TRPC7: variants seen among roughly 807,000 people sequenced by gnomAD.
The protein encoded by TRPC7 is short transient receptor potential channel 7.
A neutral mutation model predicts 90.1 loss-of-function variants in TRPC7; 42 were observed. The observed-to-expected ratio is 0.47, with a 90% confidence interval of 0.36 to 0.60. The LOEUF is 0.60. Among genes scored for constraint, TRPC7 ranks in the 20% least tolerant of loss-of-function variants. TRPC7 has a pLI of 0.00. For missense variants in TRPC7, 955 were observed against 1,112.3 expected, an observed-to-expected ratio of 0.86 and a Z score of 2.01; for synonymous variants, 451 against 436.3, an observed-to-expected ratio of 1.03 and a Z score of -0.42.
chr5:136,284,774 G>T (rs973957612), intron 3 of TRPC7, among the ~76,000 whole-genome samples: 4 of 152,194 alleles, frequency 2.6e-5, no homozygotes, highest in African/African-American at 9.7e-5. Flanking sequence ...GTGCAGAGTT[G>T]TGAAGGCTAC....
At position 136,297,570 on chromosome 5, in the gene TRPC7, ATAT is replaced by A. The variant is rs534851130; in HGVS notation, c.963+18024_963+18026del. On this transcript the variant is annotated intron_variant, in intron 3 of 11. Transcript: ENST00000513104. ...TAATAAGTATACTCATTACCCAAAT[ATAT>A]TATTATAATTATACTAATCTTTTTC... Among the ~76,000 whole-genome samples the A allele has an allele frequency of 2.0e-5, 3 of 152,258 alleles. No homozygotes were observed. In the South Asian group the frequency reaches 6.2e-4, roughly 32 times the overall value.
intron 1 of TRPC7, among the ~76,000 whole-genome samples, chr5:136,361,391 C>A (rs1286822243): frequency 6.6e-6 from 1 of 152,126 alleles, no homozygotes; most frequent in Non-Finnish European, 1.5e-5. Flanking sequence ...GAGAGGAGGA[C>A]TGATTATTAA....
At chr5:136,250,461 CCTA>C (rs1374875702) in intron 6 of TRPC7, among the ~76,000 whole-genome samples, 1 of 152,184 alleles carries the variant, frequency 6.6e-6, no homozygotes, top group African/African-American at 2.4e-5. Context: ...TTAGCAATTG[CCTA>C]CTAAGTGTCC....
intron 7 of TRPC7, among the ~76,000 whole-genome samples, chr5:136,245,980 G>A (rs1204931266): frequency 6.6e-6 from 1 of 152,120 alleles, no homozygotes; most frequent in Non-Finnish European, 1.5e-5. Context: ...CGGTGCTACC[G>A]ATGGCTGGCC....
At chr5:136,234,459 G>C (rs146623973) in intron 7 of TRPC7, among the ~76,000 whole-genome samples, 1 of 152,002 alleles carries the variant, frequency 6.6e-6, no homozygotes, top group Admixed American at 6.5e-5. Context: ...ACAGGCGCGC[G>C]CCACTGTGCC....
chr5:136,288,144 C>T (rs1452601527), intron 3 of TRPC7, among the ~76,000 whole-genome samples: 4 of 151,912 alleles, frequency 2.6e-5, no homozygotes, highest in Non-Finnish European at 4.4e-5. Flanking sequence ...AGGCAGAGGG[C>T]TAAGTAACCC....
intron 2 of TRPC7, among the ~76,000 whole-genome samples, chr5:136,353,379 G>C (rs529547314): frequency 1.1e-4 from 16 of 152,322 alleles, no homozygotes; most frequent in African/African-American, 2.9e-4. Flanking sequence ...TTTAGGGGAT[G>C]TGGAGGATGA....
chr5:136,288,845 GTA>G (rs1757828403), intron 3 of TRPC7, among the ~76,000 whole-genome samples: 1 of 152,216 alleles, frequency 6.6e-6, no homozygotes, highest in East Asian at 1.9e-4. Context: ...TGACATATAT[GTA>G]TGTGTCCCCT....
intron 3 of TRPC7, among the ~76,000 whole-genome samples, chr5:136,285,499 TGAGA>T (rs913024209): frequency 5.9e-5 from 9 of 152,230 alleles, no homozygotes; most frequent in African/African-American, 2.2e-4. Context: ...TAATTATGAT[TGAGA>T]AAGTTCCTGG....
chr5:136,240,046 C>T (rs149272191), intron 7 of TRPC7, among the ~76,000 whole-genome samples: 157 of 152,312 alleles, frequency 1.0e-3, no homozygotes, highest in African/African-American at 3.6e-3. Flanking sequence ...AAGGCCTTAG[C>T]GGAGACTCTA....
rs776796232 is a variant in TRPC7, at chr5:136,251,802, A to T, written c.1426T>A (p.Phe476Ile). Reference sequence around the variant, plus strand: ...GCCACGAAGATGGACAGCATCCCGAAATCTAGCAGGTTCCACAAGTGCAGC... The same window carrying T: ...GCCACGAAGATGGACAGCATCCCGATATCTAGCAGGTTCCACAAGTGCAGC... ...YVLHLWNLLD[F>I]GMLSIFVASF... Residue 476 changes from phenylalanine (F) to isoleucine (I), a missense_variant, in exon 6 of 12, where the codon TTC becomes ATC. Transcript: ENST00000513104. The T allele has an allele frequency of 6.2e-7, 1 of 1,613,934 alleles. No homozygotes were observed. Among genetic ancestry groups the T allele is most frequent in the South Asian group, 1.1e-5 (1 of 91,076 alleles).
intron 3 of TRPC7, among the ~76,000 whole-genome samples, chr5:136,290,067 C>G (rs559600805): frequency 2.0e-5 from 3 of 152,314 alleles, no homozygotes; most frequent in South Asian, 4.1e-4. Context: ...TCCAACAGAC[C>G]TGCAGCTGAG....
At chr5:136,364,036 C>T (rs964023836) in intron 1 of TRPC7, among the ~76,000 whole-genome samples, 12 of 152,118 alleles carry the variant, frequency 7.9e-5, no homozygotes, top group African/African-American at 2.9e-4. Flanking sequence ...AAATAAACAT[C>T]TACTACTGAG....
intron 11 of TRPC7, among the ~76,000 whole-genome samples, chr5:136,215,924 A>C (rs114355802): frequency 0.018 from 2,808 of 151,978 alleles, 102 homozygotes; most frequent in African/African-American, 0.065. Context: ...AGGGTGCCTG[A>C]TGCCTGCTGC....
At chr5:136,233,209 T>A (rs751983816) in intron 7 of TRPC7, among the ~76,000 whole-genome samples, 1 of 152,256 alleles carries the variant, frequency 6.6e-6, no homozygotes, top group Admixed American at 6.5e-5. Context: ...GTTTTTAGTT[T>A]CTTTTAAAAC....
chr5:136,280,131 A>G (rs998201437), intron 3 of TRPC7, among the ~76,000 whole-genome samples: 3 of 152,144 alleles, frequency 2.0e-5, no homozygotes, highest in South Asian at 4.1e-4. Flanking sequence ...CTGCTCTCCA[A>G]CCTGGGCGAT....
At chr5:136,361,787 A>C (rs1760576217) in intron 1 of TRPC7, among the ~76,000 whole-genome samples, 1 of 152,184 alleles carries the variant, frequency 6.6e-6, no homozygotes, top group African/African-American at 2.4e-5. Flanking sequence ...TGATCTGTGC[A>C]TCTTCTCCCA....
intron 5 of TRPC7, among the ~76,000 whole-genome samples, chr5:136,253,210 A>G (rs1008310655): frequency 6.6e-6 from 1 of 152,252 alleles, no homozygotes; most frequent in African/African-American, 2.4e-5. Context: ...TGGCTTTTAG[A>G]ACATTTAAAA....
At chr5:136,320,026 C>T (rs1024459661) in intron 2 of TRPC7, among the ~76,000 whole-genome samples, 2 of 152,082 alleles carry the variant, frequency 1.3e-5, no homozygotes, top group African/African-American at 4.8e-5. Context: ...ACCCACCTTT[C>T]TTCTCCGTAT....
Sources: allele counts gnomAD v4.1 joint callset (sites outside exome capture counted in the v4.1 genomes callset), GRCh38; gene constraint gnomAD v4.1.1; transcripts MANE v1.5; gene names NCBI Gene and HGNC (gene_info 2026-07-23, HGNC 2026-07-21).